PAMR1: variants seen among roughly 807,000 people sequenced by gnomAD.
PAMR1 encodes inactive serine protease PAMR1.
PAMR1 carries 88 observed loss-of-function variants against 81.8 expected under a neutral mutation model. The observed-to-expected ratio is 1.08, with a 90% confidence interval of 0.91 to 1.28. The LOEUF is 1.28. Among genes scored for constraint, PAMR1 ranks in the 50% most tolerant of loss-of-function variants. The probability of loss-of-function intolerance (pLI) is 0.00; values close to 1 mark genes in which losing one functional copy is unlikely to be tolerated. For missense variants in PAMR1, 935 were observed against 919.7 expected (o/e 1.02, Z -0.21); for synonymous variants, 336 against 345.3 (o/e 0.97, Z 0.30).
At chr11:35,481,594 C>A (rs781255965) in intron 3 of PAMR1, among the ~76,000 whole-genome samples, 4 of 152,126 alleles carry the variant, frequency 2.6e-5, no homozygotes, top group Non-Finnish European at 4.4e-5. Context: ...ATGACCTCGG[C>A]TCACTGCAAC....
chr11:35,496,382 C>A (rs1431631493), intron 1 of PAMR1, among the ~76,000 whole-genome samples: 1 of 152,112 alleles, frequency 6.6e-6, no homozygotes, highest in African/African-American at 2.4e-5. Flanking sequence ...GGCTTGATAT[C>A]CAGGACATAT....
chr11:35,470,482 C>T, intron 5 of PAMR1, 119 bp downstream of exon 5: 3 of 776,250 alleles, frequency 3.9e-6, no homozygotes, highest in Non-Finnish European at 6.4e-6. Flanking sequence ...TAGGCTGTTT[C>T]TAAGAACACA....
intron 6 of PAMR1, 115 bp from the exon 7 acceptor site, chr11:35,441,808 CA>C: frequency 1.6e-6 from 1 of 614,582 alleles, no homozygotes; most frequent in Non-Finnish European, 2.7e-6. Flanking sequence ...ATCTGGTGCT[CA>C]AAAGAATTAC....
intron 1 of PAMR1, among the ~76,000 whole-genome samples, chr11:35,497,730 ATAG>A (rs1850753354): frequency 6.6e-6 from 1 of 152,160 alleles, no homozygotes; most frequent in African/African-American, 2.4e-5. Context: ...TTTTCAATAA[ATAG>A]TGATTGATCA....
rs146387977 is a variant in PAMR1 at position 35,432,575 on chromosome 11, G to A, written c.1944C>T (p.Phe648=). ...GIPVSVTDNM[F]CASWEPTAPS... is the part of the protein sequence containing the mutation. ...GGGCAGTGGGTTCCCAGCTGGCACA[G>A]AACATGTTATCAGTGACACTCACTG... Residue 648 remains phenylalanine, a synonymous_variant, in exon 11 of 11, where the codon TTC becomes TTT. Transcript: ENST00000619888. 6.5e-4 allele frequency: 1,053 copies of A among 1,614,190 alleles called. 1 individual carries two copies. Among genetic ancestry groups the A allele is most frequent in the Non-Finnish European group, 8.7e-4 (1,023 of 1,180,024 alleles).
intron 3 of PAMR1, among the ~76,000 whole-genome samples, chr11:35,477,771 T>C (rs929013547): frequency 1.3e-5 from 2 of 152,166 alleles, no homozygotes; most frequent in Admixed American, 1.3e-4. Flanking sequence ...TGTTAAACTG[T>C]CTTAGGGGCA....
intron 3 of PAMR1, 94 bp downstream of exon 3, chr11:35,491,951 A>G (rs1482377946): frequency 1.7e-6 from 2 of 1,195,208 alleles, no homozygotes; most frequent in Non-Finnish European, 2.3e-6. Context: ...GCTTTCCAAA[A>G]CTCAGATTCC....
At chr11:35,451,416 G>C (rs780383500) in intron 6 of PAMR1, among the ~76,000 whole-genome samples, 1 of 152,190 alleles carries the variant, frequency 6.6e-6, no homozygotes, top group African/African-American at 2.4e-5. Context: ...ATAATGCTTA[G>C]ATGTGTATTC....
intron 1 of PAMR1, among the ~76,000 whole-genome samples, chr11:35,519,436 G>GA (rs11463170): frequency 1 from 152,328 of 152,328 alleles, 76,164 homozygotes; most frequent in Non-Finnish European, 1. Context: ...GGCCACACTG[G>GA]AATAAATGGT....
chr11:35,475,973 T>C (rs1274579862), intron 3 of PAMR1, among the ~76,000 whole-genome samples: 3 of 152,154 alleles, frequency 2.0e-5, no homozygotes. Context: ...AGTACAAAAT[T>C]TCATAACTAA....
intron 1 of PAMR1, among the ~76,000 whole-genome samples, chr11:35,497,333 A>C (rs906941650): frequency 7.9e-5 from 12 of 152,176 alleles, no homozygotes; most frequent in African/African-American, 2.4e-4. Flanking sequence ...AAAAGGACAA[A>C]TATTGTCTGA....
At chr11:35,471,031 G>T (rs1208225703) in intron 4 of PAMR1, among the ~76,000 whole-genome samples, 1 of 152,222 alleles carries the variant, frequency 6.6e-6, no homozygotes, top group African/African-American at 2.4e-5. Flanking sequence ...GCACATGCAA[G>T]TGCCTGCCCA....
chr11:35,470,494 C>A, intron 5 of PAMR1, 107 bp downstream of exon 5: 1 of 843,084 alleles, frequency 1.2e-6, no homozygotes, highest in South Asian at 1.6e-5. Flanking sequence ...AAGAACACAG[C>A]CTACTAGGTT....
intron 1 of PAMR1, 77 bp from the exon 2 acceptor site, chr11:35,494,349 T>G: frequency 4.7e-6 from 6 of 1,272,836 alleles, no homozygotes; most frequent in Non-Finnish European, 6.7e-6. Flanking sequence ...GTTTGTTTGT[T>G]TTGAGACGGA....
intron 1 of PAMR1, among the ~76,000 whole-genome samples, chr11:35,520,895 C>T (rs181364593): frequency 1.1e-3 from 174 of 152,312 alleles, no homozygotes; most frequent in Non-Finnish European, 2.0e-3. Context: ...GTCATTAGGT[C>T]CCAGGCACCA....
At chr11:35,486,422 CCCG>C (rs1344972821) in intron 3 of PAMR1, among the ~76,000 whole-genome samples, 1 of 152,238 alleles carries the variant, frequency 6.6e-6, no homozygotes, top group African/African-American at 2.4e-5. Flanking sequence ...AGAGACCATG[CCCG>C]TCTGGCTTAT....
intron 9 of PAMR1, 64 bp from the exon 10 acceptor site, chr11:35,434,868 C>T (rs1279833748): frequency 1.3e-6 from 2 of 1,507,286 alleles, no homozygotes. Context: ...GAGAATGTGT[C>T]ACTTAACCAG....
At chr11:35,441,054 T>TC (rs993556317) in intron 7 of PAMR1, among the ~76,000 whole-genome samples, 1 of 152,164 alleles carries the variant, frequency 6.6e-6, no homozygotes, top group Admixed American at 6.5e-5. Flanking sequence ...TCTTCAATCC[T>TC]CCCCCTCCAT....
At chr11:35,462,645 C>G (rs1856680510) in intron 6 of PAMR1, among the ~76,000 whole-genome samples, 2 of 152,180 alleles carry the variant, frequency 1.3e-5, no homozygotes, top group Admixed American at 6.5e-5. Flanking sequence ...GAATCAGAAA[C>G]AGTGGGATGG....
Sources: gnomAD v4.1 joint callset for allele counts (sites outside exome capture counted in the v4.1 genomes callset) on GRCh38, gnomAD v4.1.1 for gene constraint, MANE v1.5 for transcripts, NCBI Gene and HGNC (gene_info 2026-07-23, HGNC 2026-07-21) for gene names.